GRID1: variants seen among roughly 807,000 people sequenced by gnomAD.
The protein encoded by GRID1 is glutamate ionotropic receptor delta type subunit 1, also known as glutamate receptor ionotropic, delta-1.
Under a neutral mutation model 98.0 loss-of-function variants are expected in GRID1, and 28 were observed. That is an observed-to-expected ratio of 0.29 (90% confidence interval 0.21 to 0.39). The LOEUF (loss-of-function observed/expected upper bound fraction) is 0.39. Among genes scored for constraint, GRID1 ranks in the 10% least tolerant of loss-of-function variants. The pLI is 1.00. For missense variants in GRID1, 1,111 were observed against 1,340.5 expected (o/e 0.83, Z 2.67); for synonymous variants, 553 against 538.5 (o/e 1.03, Z -0.37).
At position 85,821,540 on chromosome 10, in the gene GRID1, A is replaced by G. The variant is rs1336510392; in HGVS notation, c.1233+32956T>C. Among the ~76,000 whole-genome samples, 6 of 87,848 alleles carry G rather than the reference A, an allele frequency of 6.8e-5. 1 individual carries two copies. The South Asian group carries it at 1.2e-3, about 17-fold the overall frequency. 57.6% of individuals were successfully genotyped at this position (87,848 alleles called of 152,430 possible). A position where few individuals can be genotyped will look rare whatever the true frequency, so the allele number is the denominator to read the frequency against. ...TCAAAAAAAAAAAAAAAAAAAAAAA[A>G]AAAAAGAAAACAGATCAATAGTTGA... On this transcript the variant is annotated intron_variant, in intron 8 of 15. Transcript: ENST00000327946.
chr10:86,007,402 C>T (rs1448863068), intron 4 of GRID1, among the ~76,000 whole-genome samples: 3 of 152,056 alleles, frequency 2.0e-5, no homozygotes, highest in Non-Finnish European at 2.9e-5. Flanking sequence ...CGCTCCGCAC[C>T]CCCCCACCTC....
At chr10:86,166,809 C>G (rs1002355559) in intron 3 of GRID1, among the ~76,000 whole-genome samples, 8 of 152,202 alleles carry the variant, frequency 5.3e-5, no homozygotes, top group Non-Finnish European at 8.8e-5. Context: ...TCTCTATTTC[C>G]ACACTATTTG....
chr10:85,637,679 C>T (rs1378474244), intron 13 of GRID1, among the ~76,000 whole-genome samples: 1 of 152,158 alleles, frequency 6.6e-6, no homozygotes, highest in Non-Finnish European at 1.5e-5. Flanking sequence ...TCTTCCTGTA[C>T]CTTTTATTTC....
chr10:85,690,691 G>C (rs1343974702), intron 12 of GRID1, among the ~76,000 whole-genome samples: 7 of 152,182 alleles, frequency 4.6e-5, no homozygotes, highest in Admixed American at 2.6e-4. Flanking sequence ...TCCTTTCTAA[G>C]TGTTCACAGA....
chr10:86,314,781 G>A (rs906899083), intron 2 of GRID1, among the ~76,000 whole-genome samples: 7 of 152,204 alleles, frequency 4.6e-5, no homozygotes, highest in Admixed American at 3.3e-4. Context: ...TCTAGGCAGG[G>A]CCCGGAATCT....
chr10:85,736,350 G>GA (rs1364232187), intron 8 of GRID1, among the ~76,000 whole-genome samples: 3 of 151,882 alleles, frequency 2.0e-5, no homozygotes, highest in Admixed American at 1.3e-4. Context: ...AGGAATGAAG[G>GA]AAATAACCCC....
chr10:86,069,919 G>T (rs1843779236), intron 4 of GRID1, among the ~76,000 whole-genome samples: 1 of 152,136 alleles, frequency 6.6e-6, no homozygotes, highest in South Asian at 2.1e-4. Flanking sequence ...GGGGAGAGGG[G>T]CCACTCACTC....
At chr10:85,890,477 C>T (rs1841184191) in intron 5 of GRID1, among the ~76,000 whole-genome samples, 1 of 152,068 alleles carries the variant, frequency 6.6e-6, no homozygotes, top group South Asian at 2.1e-4. Context: ...TAAAGAAACT[C>T]CATTAACTCA....
At chr10:85,859,570 C>G (rs1041104757) in intron 6 of GRID1, among the ~76,000 whole-genome samples, 3 of 152,152 alleles carry the variant, frequency 2.0e-5, no homozygotes. Context: ...TTGGACAGAG[C>G]CTCCTTTGTT....
chr10:86,169,548 A>G (rs1441294194), intron 3 of GRID1, among the ~76,000 whole-genome samples: 1 of 152,174 alleles, frequency 6.6e-6, no homozygotes, highest in African/African-American at 2.4e-5. Context: ...GGAGAAAACG[A>G]GGGTGGGAAC....
At chr10:85,608,623 C>T (rs917914992) in intron 15 of GRID1, among the ~76,000 whole-genome samples, 5 of 152,288 alleles carry the variant, frequency 3.3e-5, no homozygotes, top group Admixed American at 6.5e-5. Flanking sequence ...AGAGCTTCCA[C>T]TGTTCCAGAG....
At chr10:85,896,313 C>T (rs937959183) in intron 5 of GRID1, among the ~76,000 whole-genome samples, 2 of 152,116 alleles carry the variant, frequency 1.3e-5, no homozygotes, top group Admixed American at 6.6e-5. Context: ...GAAATTTTGA[C>T]CCTTTAAGGA....
At chr10:85,953,187 C>T (rs563143957) in intron 4 of GRID1, among the ~76,000 whole-genome samples, 1 of 152,066 alleles carries the variant, frequency 6.6e-6, no homozygotes, top group Non-Finnish European at 1.5e-5. Context: ...GAATACTATG[C>T]AGCTATAAAA....
At chr10:86,247,108 G>A (rs1448693293) in intron 2 of GRID1, among the ~76,000 whole-genome samples, 1 of 152,274 alleles carries the variant, frequency 6.6e-6, no homozygotes, top group Non-Finnish European at 1.5e-5. Flanking sequence ...ATGGTCAGAA[G>A]GACAGATGGA....
intron 4 of GRID1, among the ~76,000 whole-genome samples, chr10:85,971,369 A>C (rs987995254): frequency 1.1e-4 from 17 of 152,108 alleles, no homozygotes; most frequent in Admixed American, 4.6e-4. Flanking sequence ...GTTGCTCACC[A>C]AAAGACACCA....
chr10:86,259,749 A>G (rs1367690098), intron 2 of GRID1, among the ~76,000 whole-genome samples: 1 of 152,224 alleles, frequency 6.6e-6, no homozygotes, highest in Non-Finnish European at 1.5e-5. Context: ...AGGCAAAGGG[A>G]AGAGAGTCCA....
intron 4 of GRID1, among the ~76,000 whole-genome samples, chr10:86,071,236 A>G (rs1419260822): frequency 3.3e-5 from 5 of 152,362 alleles, no homozygotes; most frequent in Non-Finnish European, 7.3e-5. Flanking sequence ...TCACTGGGAC[A>G]GCAGGGAAAT....
chr10:86,341,620 T>C (rs1848312211), intron 2 of GRID1, among the ~76,000 whole-genome samples: 2 of 152,010 alleles, frequency 1.3e-5, no homozygotes, highest in Admixed American at 6.6e-5. Context: ...TGAGAGAACA[T>C]GTCACAAAAC....
intron 2 of GRID1, among the ~76,000 whole-genome samples, chr10:86,321,091 C>T (rs550844805): frequency 1.5e-5 from 2 of 135,488 alleles, no homozygotes; most frequent in Admixed American, 7.9e-5. Flanking sequence ...CAGAGTGAGA[C>T]TCCATCTCAA....
Sources: gnomAD v4.1 joint callset for allele counts (sites outside exome capture counted in the v4.1 genomes callset) on GRCh38, gnomAD v4.1.1 for gene constraint, MANE v1.5 for transcripts, NCBI Gene and HGNC (gene_info 2026-07-23, HGNC 2026-07-21) for gene names.